CDKAL1: variants seen among roughly 807,000 people sequenced by gnomAD.
CDKAL1 encodes threonylcarbamoyladenosine tRNA methylthiotransferase.
A neutral mutation model predicts 68.2 loss-of-function variants in CDKAL1; 32 were observed. The observed-to-expected ratio is 0.47, with a 90% CI of 0.35 to 0.63. The LOEUF (loss-of-function observed/expected upper bound fraction) is 0.63. Among genes scored for constraint, CDKAL1 ranks in the 30% least tolerant of loss-of-function variants. CDKAL1 has a pLI of 0.00. For missense variants in CDKAL1, 606 were observed against 696.7 expected, an observed-to-expected ratio of 0.87 and a Z score of 1.47; for synonymous variants, 234 against 244.3, an observed-to-expected ratio of 0.96 and a Z score of 0.39.
chr6:21,109,794 G>A (rs1774031594), intron 13 of CDKAL1, among the ~76,000 whole-genome samples: 1 of 152,212 alleles, frequency 6.6e-6, no homozygotes, highest in South Asian at 2.1e-4. Context: ...CATAAGTGCA[G>A]CAGTGGCTAA....
intron 4 of CDKAL1, among the ~76,000 whole-genome samples, chr6:20,552,982 G>T (rs1374614512): frequency 6.6e-6 from 1 of 151,942 alleles, no homozygotes; most frequent in Non-Finnish European, 1.5e-5. Context: ...TAATGTTTTC[G>T]TTAATCAAAT....
intron 8 of CDKAL1, among the ~76,000 whole-genome samples, chr6:20,812,454 A>G (rs1285263023): frequency 1.3e-5 from 2 of 152,174 alleles, no homozygotes; most frequent in African/African-American, 2.4e-5. Flanking sequence ...ACTTACGTAT[A>G]CGTCCATGAA....
chr6:20,676,665 TTAAATAAATAAA>T (rs146546357), intron 5 of CDKAL1, among the ~76,000 whole-genome samples: 88 of 132,900 alleles, frequency 6.6e-4, no homozygotes, highest in East Asian at 1.5e-3. Context: ...AGACTCTGTC[TTAAATAAATAAA>T]TAAATAAATA....
chr6:21,065,314 A>C, intron 12 of CDKAL1, 86 bp downstream of exon 12: 3 of 1,050,998 alleles, frequency 2.9e-6, no homozygotes, highest in Non-Finnish European at 4.2e-6. Flanking sequence ...CAACTTGCTC[A>C]TGTTATAACC....
intron 8 of CDKAL1, among the ~76,000 whole-genome samples, chr6:20,830,389 A>C (rs925648042): frequency 6.6e-6 from 1 of 152,226 alleles, no homozygotes; most frequent in Non-Finnish European, 1.5e-5. Context: ...AGTTGAGAAC[A>C]GTAACATGAG....
chr6:20,815,328 G>C (rs1267577646), intron 8 of CDKAL1, among the ~76,000 whole-genome samples: 1 of 152,080 alleles, frequency 6.6e-6, no homozygotes, highest in Non-Finnish European at 1.5e-5. Flanking sequence ...GTATGATCTA[G>C]TCTTTAAGGG....
chr6:20,666,541 T>C (rs1163117685), intron 5 of CDKAL1, among the ~76,000 whole-genome samples: 3 of 152,140 alleles, frequency 2.0e-5, no homozygotes, highest in Admixed American at 6.6e-5. Context: ...AAAAGTGTTA[T>C]AACAAATCTT....
At chr6:21,160,630 G>GACACAC (rs1776874391) in intron 13 of CDKAL1, among the ~76,000 whole-genome samples, 2 of 126,812 alleles carry the variant, frequency 1.6e-5, no homozygotes, top group African/African-American at 5.6e-5. Context: ...GTAATTTTTG[G>GACACAC]ACACAGACAC....
rs554786884 is a variant in CDKAL1, at chr6:20,994,846, G to C, written c.910-5381G>C. On this transcript the variant is annotated intron_variant, in intron 10 of 15. Transcript: ENST00000274695. ...TTTTGCTTGTGATGGGTCTTGCCAC[G>C]ATGTTGATGGCTATGGACTTATCAG... 5.3e-5 allele frequency among the ~76,000 whole-genome samples: 8 copies of C among 152,272 alleles called. No homozygotes were observed. In the South Asian group the frequency reaches 1.2e-3, roughly 24 times the overall value.
At chr6:20,695,362 T>C (rs1157132435) in intron 5 of CDKAL1, among the ~76,000 whole-genome samples, 1 of 152,192 alleles carries the variant, frequency 6.6e-6, no homozygotes, top group Non-Finnish European at 1.5e-5. Flanking sequence ...CCTCTCTTTT[T>C]GTTACACTCA....
At chr6:21,089,216 C>T (rs536971902) in intron 12 of CDKAL1, among the ~76,000 whole-genome samples, 13 of 152,110 alleles carry the variant, frequency 8.5e-5, no homozygotes, top group Non-Finnish European at 1.8e-4. Context: ...TGGCTGATGC[C>T]CACAATCCCA....
intron 8 of CDKAL1, among the ~76,000 whole-genome samples, chr6:20,785,407 C>A (rs1048771681): frequency 6.7e-6 from 1 of 150,348 alleles, no homozygotes; most frequent in South Asian, 2.1e-4. Flanking sequence ...CCTCCGCCTC[C>A]TGGGTTCAAT....
At chr6:20,817,193 A>G (rs1777081050) in intron 8 of CDKAL1, among the ~76,000 whole-genome samples, 1 of 152,150 alleles carries the variant, frequency 6.6e-6, no homozygotes, top group African/African-American at 2.4e-5. Context: ...TTTTGCTTGT[A>G]GCACTAGTTC....
At chr6:20,617,992 CA>C (rs1766999702) in intron 4 of CDKAL1, among the ~76,000 whole-genome samples, 1 of 152,220 alleles carries the variant, frequency 6.6e-6, no homozygotes, top group South Asian at 2.1e-4. Flanking sequence ...GGAATCGCCA[CA>C]CTGTCTTCCA....
intron 13 of CDKAL1, among the ~76,000 whole-genome samples, chr6:21,115,425 T>G (rs80126648): frequency 6.6e-6 from 1 of 152,322 alleles, no homozygotes; most frequent in East Asian, 1.9e-4. Flanking sequence ...AATAGCAAAT[T>G]CAGTTTTTAA....
At chr6:20,973,209 A>G (rs1247909965) in intron 10 of CDKAL1, among the ~76,000 whole-genome samples, 2 of 152,204 alleles carry the variant, frequency 1.3e-5, no homozygotes, top group Non-Finnish European at 2.9e-5. Flanking sequence ...GGTGCTCAAG[A>G]GTTATCAGCT....
At chr6:21,192,425 A>C (rs1216385356) in intron 13 of CDKAL1, among the ~76,000 whole-genome samples, 1 of 152,254 alleles carries the variant, frequency 6.6e-6, no homozygotes, top group African/African-American at 2.4e-5. Context: ...TTTGATGAAT[A>C]AATTGTAAAG....
chr6:21,117,815 G>A (rs1774494467), intron 13 of CDKAL1, among the ~76,000 whole-genome samples: 2 of 152,022 alleles, frequency 1.3e-5, no homozygotes, highest in South Asian at 4.1e-4. Flanking sequence ...CTTCCCCTTG[G>A]TTTACTACAA....
chr6:20,861,369 T>C (rs4383807), intron 9 of CDKAL1, among the ~76,000 whole-genome samples: 146,037 of 152,350 alleles, frequency 0.96, 70,007 homozygotes, highest in East Asian at 1. Context: ...GAGTGCTGGA[T>C]TTGACTCAGG....
Sources: allele counts gnomAD v4.1 joint callset (sites outside exome capture counted in the v4.1 genomes callset), GRCh38; gene constraint gnomAD v4.1.1; transcripts MANE v1.5; gene names NCBI Gene and HGNC (gene_info 2026-07-23, HGNC 2026-07-21).